Variants in PRH1 observed in about 807,000 individuals in gnomAD.
PRH1 encodes the protein salivary acidic proline-rich phosphoprotein 1/2.
PRH1 carries 7 observed loss-of-function variants against 7.9 expected under a neutral mutation model. The ratio of observed to expected loss-of-function variants is 0.89; its 90% confidence interval spans 0.50 to 1.67. The LOEUF is 1.67. PRH1 is among the 40% of genes most tolerant of loss of function. PRH1 has a pLI of 0.00. For missense variants in PRH1, 109 were observed against 223.6 expected (o/e 0.49, Z 3.27); for synonymous variants, 45 against 80.8 (o/e 0.56, Z 2.38).
intron 1 of PRH1, among the ~76,000 whole-genome samples, chr12:11,147,237 C>CT: frequency 6.6e-6 from 1 of 152,288 alleles, no homozygotes; most frequent in Middle Eastern, 3.4e-3. Flanking sequence ...GTTGCCCAGG[C>CT]TGGAGTGCAG....
intron 1 of PRH1, among the ~76,000 whole-genome samples, chr12:10,987,693 A>AC (rs145486486): frequency 0.073 from 10,975 of 151,318 alleles, 543 homozygotes; most frequent in African/African-American, 0.13. Context: ...GGGTTTTCAG[A>AC]CCCCCCCCAA....
chr12:11,112,695 T>A (rs988902817), intron 1 of PRH1, among the ~76,000 whole-genome samples: 12 of 152,140 alleles, frequency 7.9e-5, no homozygotes, highest in Admixed American at 6.5e-5. Flanking sequence ...ACAGCCAATA[T>A]ACTGAATGGG....
At chr12:11,075,701 T>C (rs1203120111) in intron 1 of PRH1, among the ~76,000 whole-genome samples, 1 of 124,382 alleles carries the variant, frequency 8.0e-6, no homozygotes, top group Non-Finnish European at 1.9e-5. Context: ...ATCAAAGCTA[T>C]ATTACAGTGA....
At position 11,091,240 on chromosome 12, in the gene PRH1, T is replaced by G. The variant is rs1439043353; in HGVS notation, n.124-44052A>C. 40 of 1,092,688 alleles carry G rather than the reference T, an allele frequency of 3.7e-5. 12 individuals carry two copies. In the African/African-American group the frequency reaches 6.6e-4, roughly 18 times the overall value. 67.7% of individuals were successfully genotyped at this position (1,092,688 alleles called of 1,614,324 possible). A position where few individuals can be genotyped will look rare whatever the true frequency, so the allele number is the denominator to read the frequency against. ...AGAAAAACCAGTAAGAAATATAAAA[T>G]GTTTCATACACCACCAGTTTGTTTC... is the stretch of plus-strand genomic sequence containing the variant. On this transcript the variant is annotated intron_variant and non_coding_transcript_variant, in intron 1 of 4. Coordinates refer to the PRH1 transcript ENST00000541977.
chr12:11,040,110 T>C (rs1942645428), intron 1 of PRH1, among the ~76,000 whole-genome samples: 1 of 152,232 alleles, frequency 6.6e-6, no homozygotes, highest in Admixed American at 6.5e-5. Flanking sequence ...AAAACACATG[T>C]TTCTCACTGA....
Position 11,020,363 on chromosome 12 carries a change from G to GATATATATATATATATATATATAT in PRH1, c.-126+26633_-126+26656dup, listed in dbSNP as rs71051554. ...GTACTAGGGAGGACGTATGATAAGC[G>GATATATATATATATATATATATAT]ATATATATATATATATATATATATA... is the stretch of plus-strand genomic sequence containing the variant. On this transcript the variant is annotated intron_variant, in intron 1 of 3. Transcript: ENST00000539853. Among the ~76,000 whole-genome samples, 342 of 87,360 alleles carry GATATATATATATATATATATATAT rather than the reference G, an allele frequency of 3.9e-3. 19 individuals carry two copies. Among genetic ancestry groups the GATATATATATATATATATATATAT allele is most frequent in the Admixed American group, 6.8e-3 (54 of 7,930 alleles). 57.3% of individuals were successfully genotyped at this position (87,360 alleles called of 152,430 possible).
chr12:10,910,479 AT>A (rs1949881419), intron 2 of PRH1, among the ~76,000 whole-genome samples: 1 of 152,164 alleles, frequency 6.6e-6, no homozygotes, highest in Non-Finnish European at 1.5e-5. Context: ...AATTAAAAAA[AT>A]AAAAAGTAAA....
intron 1 of PRH1, among the ~76,000 whole-genome samples, chr12:11,031,559 C>G (rs1403889834): frequency 6.6e-6 from 1 of 151,962 alleles, no homozygotes; most frequent in Non-Finnish European, 1.5e-5. Context: ...GCGACCCAGG[C>G]AGGTTGCTGC....
At position 11,018,463 on chromosome 12, in the gene PRH1, C is replaced by T. The variant is rs149712079; in HGVS notation, c.-126+28557G>A. Among the ~76,000 whole-genome samples, 507 of 151,320 alleles carry T rather than the reference C, an allele frequency of 3.4e-3. 2 individuals carry two copies. The highest frequency in any genetic ancestry group is 0.011 in the African/African-American group (462 of 41,386). On this transcript the variant is annotated intron_variant, in intron 1 of 3. Transcript: ENST00000539853. ...TGTCTCCTGTTCCCATGGTCAGCAC[C>T]TTGCCTGATCTAGATCATCCTTCCA...
chr12:10,919,890 A>G (rs1041760789), intron 2 of PRH1, among the ~76,000 whole-genome samples: 1 of 140,398 alleles, frequency 7.1e-6, no homozygotes, highest in Non-Finnish European at 1.5e-5. Context: ...AAAAAATATT[A>G]AAAAAATTTT....
At chr12:10,921,397 A>G (rs1950043580) in intron 2 of PRH1, among the ~76,000 whole-genome samples, 1 of 152,210 alleles carries the variant, frequency 6.6e-6, no homozygotes, top group Admixed American at 6.5e-5. Flanking sequence ...TTGTTAACCT[A>G]TGCTTTTTAA....
chr12:10,996,830 C>G, intron 1 of PRH1: 1 of 946,160 alleles, frequency 1.1e-6, no homozygotes, highest in African/African-American at 1.6e-5. Flanking sequence ...TCTATGTCAA[C>G]TTTTGGAAAT....
At chr12:10,892,726 C>T (rs1410458951) in intron 2 of PRH1, among the ~76,000 whole-genome samples, 1 of 152,160 alleles carries the variant, frequency 6.6e-6, no homozygotes, top group Non-Finnish European at 1.5e-5. Context: ...TAGGAATTCA[C>T]AGTACCCTAT....
chr12:11,045,158 A>G (rs911921037), intron 1 of PRH1, among the ~76,000 whole-genome samples: 1 of 152,160 alleles, frequency 6.6e-6, no homozygotes, highest in African/African-American at 2.4e-5. Context: ...TTGCAGCAAT[A>G]TATGGATAGA....
chr12:10,930,293 T>C (rs1457903824), intron 2 of PRH1: 1 of 1,613,258 alleles, frequency 6.2e-7, no homozygotes, highest in South Asian at 1.1e-5. Flanking sequence ...GACGTTCCCT[T>C]GGTAATATCA....
At chr12:11,143,414 T>C (rs1337073100) in intron 1 of PRH1, among the ~76,000 whole-genome samples, 1 of 151,366 alleles carries the variant, frequency 6.6e-6, no homozygotes, top group African/African-American at 2.4e-5. Flanking sequence ...CCAGAGAAAA[T>C]AACCTTCACT....
At chr12:11,132,695 A>G (rs2708372) in intron 1 of PRH1, among the ~76,000 whole-genome samples, 644 of 152,372 alleles carry the variant, frequency 4.2e-3, no homozygotes, top group African/African-American at 0.015. Flanking sequence ...TACTATACGT[A>G]TACTTCTCAC....
chr12:10,957,698 T>C (rs114943585), intron 2 of PRH1, among the ~76,000 whole-genome samples: 2,855 of 152,032 alleles, frequency 0.019, 103 homozygotes, highest in African/African-American at 0.066. Flanking sequence ...CCGGAACATA[T>C]AAGGAATTTA....
At chr12:11,015,412 A>T (rs1368261091) in intron 1 of PRH1, among the ~76,000 whole-genome samples, 1 of 152,162 alleles carries the variant, frequency 6.6e-6, no homozygotes, top group Non-Finnish European at 1.5e-5. Context: ...AAATCTTTTT[A>T]ATAAACTTCC....
Sources: allele counts gnomAD v4.1 joint callset (sites outside exome capture counted in the v4.1 genomes callset), GRCh38; gene constraint gnomAD v4.1.1; transcripts MANE v1.5; gene names NCBI Gene and HGNC (gene_info 2026-07-23, HGNC 2026-07-21).